MSH3: variants seen among roughly 807,000 people sequenced by gnomAD.
MSH3 encodes DNA mismatch repair protein Msh3.
MSH3 carries 106 observed loss-of-function variants against 123.3 expected under a neutral mutation model. The observed-to-expected ratio is 0.86, with a 90% CI of 0.73 to 1.01. MSH3 has a LOEUF of 1.01. Among genes scored for constraint, MSH3 ranks in the 50% least tolerant of loss-of-function variants. The probability of loss-of-function intolerance (pLI) is 0.00; values close to 1 mark genes in which losing one functional copy is unlikely to be tolerated. For synonymous variants in MSH3, 515 were observed against 481.4 expected, an observed-to-expected ratio of 1.07 and a Z score of -0.91; for missense variants, 1,459 against 1,347.6, an observed-to-expected ratio of 1.08 and a Z score of -1.29.
intron 19 of MSH3, among the ~76,000 whole-genome samples, chr5:80,808,663 G>A (rs1177592765): frequency 6.6e-6 from 1 of 151,682 alleles, no homozygotes; most frequent in Non-Finnish European, 1.5e-5. Context: ...AAATCCTGAA[G>A]TTCAAATAAA....
chr5:80,743,527 A>G (rs1325331518), intron 11 of MSH3, among the ~76,000 whole-genome samples: 1 of 152,136 alleles, frequency 6.6e-6, no homozygotes, highest in Non-Finnish European at 1.5e-5. Context: ...AGCTACTTAC[A>G]GAGGAGAAGG....
chr5:80,828,904 A>G (rs556090148), intron 20 of MSH3, among the ~76,000 whole-genome samples: 21 of 152,234 alleles, frequency 1.4e-4, no homozygotes, highest in African/African-American at 4.6e-4. Flanking sequence ...TTCAGTTCTC[A>G]CAAGTAACAG....
At chr5:80,804,364 GTATT>G (rs1744846928) in intron 19 of MSH3, among the ~76,000 whole-genome samples, 1 of 152,210 alleles carries the variant, frequency 6.6e-6, no homozygotes, top group Admixed American at 6.5e-5. Flanking sequence ...GAAGAATTAG[GTATT>G]TATTGTAGCC....
intron 15 of MSH3, among the ~76,000 whole-genome samples, chr5:80,772,966 G>A (rs747735334): frequency 1.1e-4 from 16 of 152,278 alleles, no homozygotes; most frequent in South Asian, 2.1e-4. Context: ...CCCCTGCAGT[G>A]GCACTGTATT....
At chr5:80,815,102 T>C (rs1260861935) in intron 20 of MSH3, among the ~76,000 whole-genome samples, 1 of 152,222 alleles carries the variant, frequency 6.6e-6, no homozygotes, top group Non-Finnish European at 1.5e-5. Context: ...CACATGCTAA[T>C]ATTGATATTC....
intron 12 of MSH3, among the ~76,000 whole-genome samples, chr5:80,750,981 C>T (rs1328444992): frequency 1.3e-5 from 2 of 152,098 alleles, no homozygotes; most frequent in Non-Finnish European, 2.9e-5. Context: ...CCTTGTATCA[C>T]TCATTGATAG....
chr5:80,727,076 G>T (rs141660470), intron 9 of MSH3, among the ~76,000 whole-genome samples: 196 of 152,308 alleles, frequency 1.3e-3, no homozygotes, highest in African/African-American at 4.5e-3. Flanking sequence ...ATTTCTTGCT[G>T]CAGTCTCTAC....
intron 21 of MSH3, among the ~76,000 whole-genome samples, chr5:80,859,662 TC>T (rs1426206214): frequency 6.6e-6 from 1 of 152,078 alleles, no homozygotes; most frequent in East Asian, 1.9e-4. Context: ...CCACTGTTTT[TC>T]TGTCTTATGT....
chr5:80,748,207 T>C (rs956302297), intron 12 of MSH3, among the ~76,000 whole-genome samples: 2 of 152,168 alleles, frequency 1.3e-5, no homozygotes, highest in Admixed American at 1.3e-4. Flanking sequence ...TCCCTTAAGC[T>C]CCTCTTTGTA....
chr5:80,690,128 A>T (rs6864512), intron 8 of MSH3, among the ~76,000 whole-genome samples: 41 of 151,878 alleles, frequency 2.7e-4, no homozygotes, highest in African/African-American at 9.9e-4. Context: ...TATTTTGCCC[A>T]GGCTGGTCTC....
At chr5:80,835,016 A>C (rs1470200415) in intron 20 of MSH3, among the ~76,000 whole-genome samples, 1 of 152,242 alleles carries the variant, frequency 6.6e-6, no homozygotes, top group Non-Finnish European at 1.5e-5. Flanking sequence ...ATGATTACTA[A>C]GAACTTGTCC....
At chr5:80,799,347 C>A (rs374006298) in intron 19 of MSH3, among the ~76,000 whole-genome samples, 77 of 152,186 alleles carry the variant, frequency 5.1e-4, no homozygotes, top group Non-Finnish European at 7.5e-4. Context: ...GAGTCTCTTA[C>A]CATAACCTGC....
intron 8 of MSH3, among the ~76,000 whole-genome samples, chr5:80,702,843 C>G (rs1750642684): frequency 6.6e-6 from 1 of 152,124 alleles, no homozygotes; most frequent in African/African-American, 2.4e-5. Flanking sequence ...AAATCCCTGT[C>G]TTTACTAAAC....
At chr5:80,864,746 G>A (rs1398651771) in intron 21 of MSH3, 67 bp from the exon 22 acceptor site, 1 of 1,436,076 alleles carries the variant, frequency 7.0e-7, no homozygotes, top group Admixed American at 1.8e-5. Flanking sequence ...AAAGAAAGTG[G>A]AAGACAGATT....
intron 17 of MSH3, among the ~76,000 whole-genome samples, chr5:80,779,358 A>C (rs1262603549): frequency 1.3e-5 from 2 of 152,108 alleles, no homozygotes; most frequent in African/African-American, 4.8e-5. Context: ...ACCTAGGTTC[A>C]TCACATGTTA....
At chr5:80,670,864 A>C (rs536920794) in intron 4 of MSH3, among the ~76,000 whole-genome samples, 1 of 152,242 alleles carries the variant, frequency 6.6e-6, no homozygotes, top group South Asian at 2.1e-4. Context: ...TCATGCTTAT[A>C]ATCCCAGCAC....
intron 10 of MSH3, among the ~76,000 whole-genome samples, chr5:80,738,436 C>A (rs1434144051): frequency 1.3e-5 from 2 of 152,136 alleles, no homozygotes; most frequent in East Asian, 3.8e-4. Context: ...AGGGACAGTT[C>A]ACTTTTAGTT....
intron 20 of MSH3, among the ~76,000 whole-genome samples, chr5:80,829,386 C>T (rs1745380222): frequency 6.6e-6 from 1 of 152,090 alleles, no homozygotes; most frequent in South Asian, 2.1e-4. Context: ...TGTGAATATT[C>T]CTTATCAAGT....
chr5:80,788,889 G>A (rs939641983), intron 18 of MSH3, among the ~76,000 whole-genome samples: 1 of 151,974 alleles, frequency 6.6e-6, no homozygotes, highest in Non-Finnish European at 1.5e-5. Context: ...CTTTCCAGGA[G>A]GCATCTAGAT....
Sources: allele counts gnomAD v4.1 joint callset (sites outside exome capture counted in the v4.1 genomes callset), GRCh38; gene constraint gnomAD v4.1.1; transcripts MANE v1.5; gene names NCBI Gene and HGNC (gene_info 2026-07-23, HGNC 2026-07-21).